FAF1: variants seen among roughly 807,000 people sequenced by gnomAD.
The protein encoded by FAF1 is FAS-associated factor 1.
Under a neutral mutation model 92.5 loss-of-function variants are expected in FAF1, and 25 were observed. The ratio of observed to expected loss-of-function variants is 0.27; its 90% confidence interval spans 0.20 to 0.38. The LOEUF is 0.38. Ranked by LOEUF, FAF1 falls within the 10% of genes least tolerant of loss-of-function variation. The pLI is 1.00. For missense variants in FAF1, 636 were observed against 793.3 expected (o/e 0.80, Z 2.38); for synonymous variants, 234 against 273.2 (o/e 0.86, Z 1.42).
intron 6 of FAF1, among the ~76,000 whole-genome samples, chr1:50,706,847 C>T (rs914490164): frequency 6.6e-6 from 1 of 152,158 alleles, no homozygotes; most frequent in Admixed American, 6.6e-5. Context: ...TTTTAACCTT[C>T]AACTTTCCTC....
chr1:50,495,899 C>T (rs1017978252), intron 15 of FAF1, among the ~76,000 whole-genome samples: 8 of 152,002 alleles, frequency 5.3e-5, no homozygotes, highest in African/African-American at 1.7e-4. Flanking sequence ...GGTTTTTCCC[C>T]ACTGTGGCAC....
chr1:50,626,910 T>C (rs1362592910), intron 8 of FAF1, among the ~76,000 whole-genome samples: 1 of 152,126 alleles, frequency 6.6e-6, no homozygotes, highest in Non-Finnish European at 1.5e-5. Context: ...GAATTGATGA[T>C]GATTTACATA....
chr1:50,888,035 G>C (rs192120394), intron 1 of FAF1, among the ~76,000 whole-genome samples: 1 of 152,252 alleles, frequency 6.6e-6, no homozygotes, highest in East Asian at 1.9e-4. Context: ...CCATTTGTTT[G>C]TATCCTCTTT....
chr1:50,945,328 C>CTGATAGG (rs1645165456), intron 1 of FAF1, among the ~76,000 whole-genome samples: 1 of 152,060 alleles, frequency 6.6e-6, no homozygotes, highest in Non-Finnish European at 1.5e-5. Flanking sequence ...GAGTGAGGCA[C>CTGATAGG]CACTGATAGG....
intron 17 of FAF1, among the ~76,000 whole-genome samples, chr1:50,483,084 G>A (rs976054352): frequency 1.3e-5 from 2 of 152,156 alleles, no homozygotes; most frequent in South Asian, 2.1e-4. Context: ...TTTCTCCTAC[G>A]TTTTCTTCTG....
At chr1:50,450,714 G>A (rs1646284436) in intron 18 of FAF1, among the ~76,000 whole-genome samples, 1 of 152,126 alleles carries the variant, frequency 6.6e-6, no homozygotes, top group Non-Finnish European at 1.5e-5. Context: ...AGTATCAGAG[G>A]GGGAACTTAG....
chr1:50,632,643 G>A (rs906221224), intron 8 of FAF1, among the ~76,000 whole-genome samples: 4 of 152,090 alleles, frequency 2.6e-5, no homozygotes, highest in African/African-American at 9.7e-5. Flanking sequence ...TCAATTTGGG[G>A]TAGTGTCTCC....
chr1:50,512,106 CTTGT>C (rs1647144178), intron 15 of FAF1, among the ~76,000 whole-genome samples: 4 of 151,986 alleles, frequency 2.6e-5, no homozygotes, highest in South Asian at 2.1e-4. Flanking sequence ...TTCTTGTTAA[CTTGT>C]TTAAGTTCTT....
intron 7 of FAF1, among the ~76,000 whole-genome samples, chr1:50,690,286 A>C (rs1656862401): frequency 6.6e-6 from 1 of 152,066 alleles, no homozygotes; most frequent in South Asian, 2.1e-4. Context: ...GCACCCGGCA[A>C]ATTACATTAT....
intron 8 of FAF1, among the ~76,000 whole-genome samples, chr1:50,649,229 T>A (rs922386819): frequency 6.6e-6 from 1 of 151,918 alleles, no homozygotes; most frequent in African/African-American, 2.4e-5. Flanking sequence ...AATCTCTCAC[T>A]GCAACCTCCG....
At chr1:50,491,596 C>G in intron 16 of FAF1, 125 bp downstream of exon 16, 1 of 639,654 alleles carries the variant, frequency 1.6e-6, no homozygotes, top group Non-Finnish European at 2.8e-6. Context: ...TATATTCTTT[C>G]TGTTAACTAA....
At chr1:50,915,999 A>G (rs1644916205) in intron 1 of FAF1, among the ~76,000 whole-genome samples, 1 of 152,212 alleles carries the variant, frequency 6.6e-6, no homozygotes, top group East Asian at 1.9e-4. Flanking sequence ...CAATAACCTT[A>G]AGAGATAATA....
chr1:50,554,390 T>TATATATATATATATAG, intron 13 of FAF1, among the ~76,000 whole-genome samples: 3 of 93,688 alleles, frequency 3.2e-5, no homozygotes, highest in Admixed American at 1.2e-4. Flanking sequence ...TATATATATA[T>TATATATATATATATAG]AGAGAGAGAG....
chr1:50,779,494 C>T (rs532118027), intron 4 of FAF1, among the ~76,000 whole-genome samples: 1 of 151,988 alleles, frequency 6.6e-6, no homozygotes, highest in African/African-American at 2.4e-5. Flanking sequence ...AGAACTGATA[C>T]TGTGTTAGCA....
intron 1 of FAF1, among the ~76,000 whole-genome samples, chr1:50,941,401 G>C (rs1645131786): frequency 6.6e-6 from 1 of 152,102 alleles, no homozygotes; most frequent in South Asian, 2.1e-4. Context: ...TTTTTTGGTA[G>C]AGATGGGGTT....
chr1:50,537,375 A>C (rs1358562324), intron 14 of FAF1, among the ~76,000 whole-genome samples: 1 of 152,166 alleles, frequency 6.6e-6, no homozygotes. Flanking sequence ...AAGACAGAGA[A>C]AAAGTATACC....
At chr1:50,891,274 A>G (rs967121223) in intron 1 of FAF1, among the ~76,000 whole-genome samples, 46 of 152,022 alleles carry the variant, frequency 3.0e-4, no homozygotes, top group African/African-American at 1.1e-3. Flanking sequence ...TCTTTTTTCA[A>G]GGTTTTTAAC....
chr1:50,717,086 C>G (rs544270601), intron 6 of FAF1, among the ~76,000 whole-genome samples: 2 of 152,188 alleles, frequency 1.3e-5, no homozygotes, highest in African/African-American at 4.8e-5. Context: ...AGAGCCGTAA[C>G]ACTCACCGCG....
chr1:50,601,207 A>G (rs1557429020), intron 8 of FAF1, among the ~76,000 whole-genome samples: 1 of 152,216 alleles, frequency 6.6e-6, no homozygotes, highest in Non-Finnish European at 1.5e-5. Flanking sequence ...TCTTTATGTT[A>G]TTCTTCACAT....
Sources: allele counts gnomAD v4.1 joint callset (sites outside exome capture counted in the v4.1 genomes callset), GRCh38; gene constraint gnomAD v4.1.1; transcripts MANE v1.5; gene names NCBI Gene and HGNC (gene_info 2026-07-23, HGNC 2026-07-21).